The following ZRANB1 variants were observed in gnomAD, a reference collection of about 807,000 sequenced individuals.
ZRANB1 encodes the protein zinc finger RANBP2-type containing 1.
A neutral mutation model predicts 80.5 loss-of-function variants in ZRANB1; 16 were observed. The observed-to-expected ratio is 0.20, with a 90% CI of 0.13 to 0.30. ZRANB1 has a LOEUF of 0.30. ZRANB1 is among the 10% of genes least tolerant of loss of function. The probability of loss-of-function intolerance (pLI) is 1.00; values close to 1 mark genes in which losing one functional copy is unlikely to be tolerated. For synonymous variants in ZRANB1, 291 were observed against 293.1 expected (o/e 0.99, Z 0.07); for missense variants, 576 against 862.6 (o/e 0.67, Z 4.16).
At chr10:124,951,728 G>A (rs928114012) in intron 1 of ZRANB1, among the ~76,000 whole-genome samples, 2 of 152,044 alleles carry the variant, frequency 1.3e-5, no homozygotes, top group East Asian at 1.9e-4. Flanking sequence ...AGAGCGGGGC[G>A]GTCGGATCAC....
At chr10:124,977,677 C>T (rs1028580960) in intron 5 of ZRANB1, among the ~76,000 whole-genome samples, 2 of 142,550 alleles carry the variant, frequency 1.4e-5, no homozygotes, top group African/African-American at 5.3e-5. Flanking sequence ...TGCCACTGCA[C>T]TCCAGCCTAG....
At position 124,942,293 on chromosome 10, in the gene ZRANB1, T is replaced by C. The variant is rs917325323; in HGVS notation, c.-201T>C. 2.1e-6 allele frequency: 3 copies of C among 1,400,358 alleles called. No homozygotes were observed. The highest frequency in any genetic ancestry group is 2.8e-6 in the Non-Finnish European group (3 of 1,081,400). The allele number at this position is 1,400,358 out of a possible 1,614,324, so 86.7% of individuals were successfully genotyped here. A position where few individuals can be genotyped will look rare whatever the true frequency, so the allele number is the denominator to read the frequency against. Reference sequence around the variant, plus strand: ...TCTTTGAGAATTTATCTCCAGTGTTTCTATGGAAATTAAAAAAGAAAATTA... The same window carrying C: ...TCTTTGAGAATTTATCTCCAGTGTTCCTATGGAAATTAAAAAAGAAAATTA... On this transcript the variant is annotated 5_prime_UTR_variant, in exon 1 of 9. Transcript: ENST00000359653.
chr10:124,958,226 T>C (rs1951702528), intron 1 of ZRANB1, among the ~76,000 whole-genome samples: 1 of 152,232 alleles, frequency 6.6e-6, no homozygotes, highest in Admixed American at 6.5e-5. Context: ...GCGACTAGCA[T>C]GTGCAACGTA....
chr10:124,983,198 G>T lies in ZRANB1; in HGVS notation c.1572G>T (p.Thr524=), dbSNP rs75293113. ...ASQPGASLEQ[T]HIFVLAHILR... is the part of the protein sequence containing the mutation. ...AGCCTGGAGCAAGCTTGGAGCAGACGCACATTTTTGTACTGGCACATATTC... is the reference window on the plus strand; with the variant it reads ...AGCCTGGAGCAAGCTTGGAGCAGACTCACATTTTTGTACTGGCACATATTC... Residue 524 remains threonine, a synonymous_variant, in exon 7 of 9, where the codon ACG becomes ACT. Transcript: ENST00000359653. The surrounding 1 kb of genome is among the most constrained non-coding windows in gnomAD (Gnocchi z 6.2). 900 of 1,613,714 alleles carry T rather than the reference G, an allele frequency of 5.6e-4. 4 individuals carry two copies. In the African/African-American group the frequency reaches 7.9e-3, roughly 14 times the overall value.
At chr10:124,919,908 G>GCCCC in the ZRANB1 span, among the ~76,000 whole-genome samples, 63 of 56,678 alleles carry the variant, frequency 1.1e-3, no homozygotes, top group African/African-American at 1.3e-3. Context: ...ACCGCGCCCG[G>GCCCC]CCCCCCCCCC....
At chr10:124,963,885 A>ACC (rs1464714821) in intron 1 of ZRANB1, among the ~76,000 whole-genome samples, 1 of 152,166 alleles carries the variant, frequency 6.6e-6, no homozygotes. Context: ...TTCCCCAAAC[A>ACC]CTAGATAATA....
chr10:124,974,241 T>C lies in ZRANB1; in HGVS notation c.1270T>C (p.Leu424=), dbSNP rs936772090. The change falls in exon 5 of 9, where the codon TTG becomes CTG. Residue 424 remains leucine (L), a synonymous_variant. Coordinates refer to ENST00000359653, the MANE Select transcript of ZRANB1 (RefSeq NM_017580.3). ...TCCAATTATTAACTGGTCCTTGGAA[T>C]TGGCTACACGTTTGGACAGTCGACT... ...ESPIINWSLE[L]ATRLDSRLYA... The C allele has an allele frequency of 1.9e-6, 3 of 1,614,274 alleles. No individual in the cohort carries two copies. The highest frequency in any genetic ancestry group is 2.7e-5 in the African/African-American group (2 of 75,072).
At chr10:124,943,820 G>A (rs964210180) in intron 1 of ZRANB1, among the ~76,000 whole-genome samples, 1 of 152,204 alleles carries the variant, frequency 6.6e-6, no homozygotes, top group Non-Finnish European at 1.5e-5. Context: ...AGGAACACCA[G>A]CTGCTGTTTC....
At chr10:124,973,185 C>G (rs1034128545) in intron 3 of ZRANB1, among the ~76,000 whole-genome samples, 1 of 152,140 alleles carries the variant, frequency 6.6e-6, no homozygotes, top group African/African-American at 2.4e-5. Context: ...CAGGGTCTTA[C>G]TCTATCGCCT....
intron 1 of ZRANB1, among the ~76,000 whole-genome samples, chr10:124,946,781 A>G (rs1951588443): frequency 6.6e-6 from 1 of 152,142 alleles, no homozygotes; most frequent in Non-Finnish European, 1.5e-5. Flanking sequence ...GGGTTAATTT[A>G]AAAAAAGGCT....
chr10:124,964,198 A>G (rs1481645153), intron 1 of ZRANB1, among the ~76,000 whole-genome samples: 2 of 152,246 alleles, frequency 1.3e-5, no homozygotes, highest in Middle Eastern at 3.2e-3. Context: ...CATGCATTTC[A>G]ACATTGTAAG....
Position 124,983,771 on chromosome 10 carries a change from T to C in ZRANB1, c.1908+83T>C. On this transcript the variant is annotated intron_variant, in intron 8 of 8. Coordinates refer to ENST00000359653, the MANE Select transcript of ZRANB1 (RefSeq NM_017580.3). This position sits in a 1 kb window ranked among gnomAD's most constrained non-coding sequence, Gnocchi z 6.2. ...GAAGTGCCTTTCAGGTGTGGTTTTATCTGCACTATCACTTAATTTCTGAAT... is the reference window on the plus strand; with the variant it reads ...GAAGTGCCTTTCAGGTGTGGTTTTACCTGCACTATCACTTAATTTCTGAAT... 1 of 935,898 alleles carries C rather than the reference T, an allele frequency of 1.1e-6. No individual in the cohort carries two copies. The highest frequency in any genetic ancestry group is 1.6e-6 in the Non-Finnish European group (1 of 620,256). 58.0% of individuals were successfully genotyped at this position (935,898 alleles called of 1,614,324 possible).
the ZRANB1 span, among the ~76,000 whole-genome samples, chr10:124,923,831 C>T: frequency 2.0e-5 from 3 of 151,790 alleles, 1 homozygote; most frequent in African/African-American, 4.9e-5. Context: ...GGTCACTTCC[C>T]ACCGGGTCCC....
At chr10:124,941,624 A>G (rs1951537111), upstream of ZRANB1, among the ~76,000 whole-genome samples, 1 of 152,202 alleles carries the variant, frequency 6.6e-6, no homozygotes, top group Non-Finnish European at 1.5e-5. Flanking sequence ...TGCTGGGATT[A>G]TAGGCTTGAG....
In ZRANB1 at chr10:124,985,029, A is replaced by T; in HGVS notation, c.*37A>T. On this transcript the variant is annotated 3_prime_UTR_variant, in exon 9 of 9. Coordinates refer to ENST00000359653, the MANE Select transcript of ZRANB1 (RefSeq NM_017580.3). ...AAACAGCAGAAGACCAAGGCATCAGATCTGTAATGACCCTAAAGTTAGTGT... is the reference window on the plus strand; with the variant it reads ...AAACAGCAGAAGACCAAGGCATCAGTTCTGTAATGACCCTAAAGTTAGTGT... 3 of 1,494,216 alleles carry T rather than the reference A, an allele frequency of 2.0e-6. No individual in the cohort carries two copies. Among genetic ancestry groups the T allele is most frequent in the Non-Finnish European group, 2.8e-6 (3 of 1,089,760 alleles). 92.6% of individuals were successfully genotyped at this position (1,494,216 alleles called of 1,614,324 possible).
At chr10:124,963,550 GTTTGTTT>G (rs1951752264) in intron 1 of ZRANB1, among the ~76,000 whole-genome samples, 1 of 75,154 alleles carries the variant, frequency 1.3e-5, no homozygotes, top group Non-Finnish European at 2.6e-5. Context: ...TTTTTTTTTT[GTTTGTTT>G]TTTTTTTTTT....
intron 4 of ZRANB1, among the ~76,000 whole-genome samples, 159 bp from the exon 5 acceptor site, chr10:124,974,041 A>G (rs1386935170): frequency 6.6e-6 from 1 of 152,234 alleles, no homozygotes; most frequent in African/African-American, 2.4e-5. Context: ...TGTTTCAAGT[A>G]CTCAAAAGTT....
chr10:124,959,544 C>T (rs993707438), intron 1 of ZRANB1, among the ~76,000 whole-genome samples: 1 of 151,964 alleles, frequency 6.6e-6, no homozygotes, highest in Non-Finnish European at 1.5e-5. Flanking sequence ...CGGCTCACTG[C>T]AGCCTCAACC....
At chr10:124,961,883 C>G (rs1469652620) in intron 1 of ZRANB1, among the ~76,000 whole-genome samples, 1 of 152,100 alleles carries the variant, frequency 6.6e-6, no homozygotes, top group Non-Finnish European at 1.5e-5. Context: ...TGTTTTGTAG[C>G]ACTGTTACTA....
Sources: gnomAD v4.1 joint callset for allele counts (sites outside exome capture counted in the v4.1 genomes callset) on GRCh38, gnomAD v4.1.1 for gene constraint, Gnocchi (gnomAD v3.1) non-coding constraint, MANE v1.5 for transcripts, NCBI Gene and HGNC (gene_info 2026-07-23, HGNC 2026-07-21) for gene names.